Variants in SIPA1L1 observed in about 807,000 individuals in gnomAD.
SIPA1L1 encodes the protein signal-induced proliferation-associated 1-like protein 1.
SIPA1L1 carries 26 observed loss-of-function variants against 162.7 expected under a neutral mutation model. The observed-to-expected ratio is 0.16, with a 90% CI of 0.12 to 0.22. The LOEUF is 0.22. Among genes scored for constraint, SIPA1L1 ranks in the 10% least tolerant of loss-of-function variants. SIPA1L1 has a pLI of 1.00. For synonymous variants in SIPA1L1, 829 were observed against 837.4 expected, an observed-to-expected ratio of 0.99 and a Z score of 0.17; for missense variants, 1,874 against 2,241.0, an observed-to-expected ratio of 0.84 and a Z score of 3.31.
intron 13 of SIPA1L1, among the ~76,000 whole-genome samples, chr14:71,694,867 C>G (rs143768581): frequency 1.3e-5 from 2 of 152,326 alleles, no homozygotes; most frequent in Non-Finnish European, 2.9e-5. Context: ...CTTCACTGGA[C>G]TCAGCAGCTC....
rs58698210 is a variant in SIPA1L1, at chr14:71,668,064, C to CA, written c.2256-3042dup. Among the ~76,000 whole-genome samples the CA allele has an allele frequency of 8.8e-3, 1,185 of 134,328 alleles. 10 individuals are homozygous for CA. The highest frequency in any genetic ancestry group is 0.015 in the African/African-American group (551 of 36,544). The allele number at this position is 134,328 out of a possible 152,430, so 88.1% of individuals were successfully genotyped here. A position where few individuals can be genotyped will look rare whatever the true frequency, so the allele number is the denominator to read the frequency against. On this transcript the variant is annotated intron_variant, in intron 10 of 23. Transcript: ENST00000381232. ...TGGGCAACAGAGTGAGACTCCGTCT[C>CA]AAAAAAAAAAAAAGTCTTTGGAACA...
At chr14:71,342,427 A>AT (rs2035757189) in intron 2 of SIPA1L1, among the ~76,000 whole-genome samples, 2 of 152,224 alleles carry the variant, frequency 1.3e-5, no homozygotes, top group African/African-American at 4.8e-5. Context: ...GGCTGAACTA[A>AT]TATACATTCC....
chr14:71,452,001 A>G (rs2045863127), intron 2 of SIPA1L1, among the ~76,000 whole-genome samples: 1 of 152,230 alleles, frequency 6.6e-6, no homozygotes, highest in South Asian at 2.1e-4. Context: ...TATATAAAAT[A>G]TATAAATACC....
intron 5 of SIPA1L1, chr14:71,598,359 A>G (rs894745914): frequency 6.0e-6 from 2 of 331,346 alleles, no homozygotes; most frequent in African/African-American, 2.2e-5. Flanking sequence ...TTCGTAAACT[A>G]CAGGAGGAAA....
chr14:71,661,292 G>A lies in SIPA1L1; in HGVS notation c.2098-18G>A, dbSNP rs751888302. 1.2e-6 allele frequency: 2 copies of A among 1,610,118 alleles called. No homozygotes were observed. Among genetic ancestry groups the A allele is most frequent in the Admixed American group, 3.4e-5 (2 of 59,440 alleles). ...CAAATGATTGTTATTTATGTTGGTT[G>A]CTTATTTTTTCTTGTAGCTCCTGAG... On this transcript the variant is annotated intron_variant, in intron 9 of 23. Transcript: ENST00000381232.
At chr14:71,463,839 T>C (rs2046786516) in intron 2 of SIPA1L1, among the ~76,000 whole-genome samples, 1 of 152,214 alleles carries the variant, frequency 6.6e-6, no homozygotes, top group Admixed American at 6.5e-5. Context: ...CCATGATTAA[T>C]TAGCAAATGC....
At chr14:71,352,142 A>G (rs2036779493) in intron 2 of SIPA1L1, among the ~76,000 whole-genome samples, 1 of 152,048 alleles carries the variant, frequency 6.6e-6, no homozygotes, top group Non-Finnish European at 1.5e-5. Flanking sequence ...TGTAACAAAT[A>G]CAGAAAAGTG....
intron 4 of SIPA1L1, among the ~76,000 whole-genome samples, chr14:71,546,765 C>G (rs2055253334): frequency 6.6e-6 from 1 of 152,168 alleles, no homozygotes; most frequent in African/African-American, 2.4e-5. Flanking sequence ...AACATGGTCT[C>G]TGTCCTTAAA....
chr14:71,420,856 C>A (rs758058861), intron 2 of SIPA1L1, among the ~76,000 whole-genome samples: 2 of 152,196 alleles, frequency 1.3e-5, no homozygotes, highest in African/African-American at 4.8e-5. Flanking sequence ...AACAAACTTA[C>A]TATGTACTCT....
chr14:71,403,887 C>T lies in SIPA1L1; in HGVS notation c.-465+82706C>T, dbSNP rs527820867. Among the ~76,000 whole-genome samples the T allele has an allele frequency of 2.0e-5, 3 of 152,214 alleles. No homozygotes were observed. In the South Asian group the frequency reaches 6.2e-4, roughly 32 times the overall value. On this transcript the variant is annotated intron_variant, in intron 2 of 23. Transcript: ENST00000381232. The stretch of plus-strand genomic sequence containing the variant: ...TTCAGTATGATCACTGTATTTCCTC[C>T]TGTAGGCCACCTGGTGCCTTGCCTC...
intron 5 of SIPA1L1, among the ~76,000 whole-genome samples, chr14:71,603,090 A>G (rs377081735): frequency 1.9e-4 from 29 of 152,294 alleles, no homozygotes; most frequent in African/African-American, 6.5e-4. Context: ...GAGTTGATCT[A>G]TCTTATATAA....
At chr14:71,648,541 G>A (rs1234700868) in intron 7 of SIPA1L1, among the ~76,000 whole-genome samples, 2 of 152,180 alleles carry the variant, frequency 1.3e-5, no homozygotes, top group Non-Finnish European at 2.9e-5. Flanking sequence ...AGGGCTGGCT[G>A]TGTTTCAGAA....
At chr14:71,444,296 A>G (rs2045167711) in intron 2 of SIPA1L1, among the ~76,000 whole-genome samples, 1 of 152,228 alleles carries the variant, frequency 6.6e-6, no homozygotes, top group South Asian at 2.1e-4. Context: ...CTCTCTGTGA[A>G]CACAAAGAAT....
chr14:71,495,141 A>G (rs148805315), intron 2 of SIPA1L1, among the ~76,000 whole-genome samples: 210 of 152,306 alleles, frequency 1.4e-3, no homozygotes, highest in Non-Finnish European at 2.5e-3. Context: ...TGGTAATATA[A>G]AATGAGCTGG....
At position 71,589,377 on chromosome 14, in the gene SIPA1L1, A is replaced by G; in HGVS notation, c.1498+7A>G. 1 of 1,562,864 alleles carries G rather than the reference A, an allele frequency of 6.4e-7. No homozygotes were observed. The highest frequency in any genetic ancestry group is 8.8e-7 in the Non-Finnish European group (1 of 1,141,196). ...AAATTTTTCTACCAGAAGGGTAAGT[A>G]GAGATCCTTTATTTCTTACATTTTC... On this transcript the variant is annotated splice_region_variant and intron_variant, in intron 5 of 23. Transcript: ENST00000381232.
intron 2 of SIPA1L1, among the ~76,000 whole-genome samples, chr14:71,484,157 G>A (rs751611235): frequency 4.6e-5 from 7 of 152,148 alleles, no homozygotes; most frequent in Non-Finnish European, 7.3e-5. Context: ...GCTCTTTGAG[G>A]TCGTGAGTTC....
intron 7 of SIPA1L1, among the ~76,000 whole-genome samples, chr14:71,644,769 C>G (rs1292876588): frequency 5.9e-5 from 9 of 152,164 alleles, no homozygotes; most frequent in Non-Finnish European, 1.3e-4. Flanking sequence ...TCTATTATGT[C>G]AGGAAATACT....
chr14:71,450,657 A>G (rs1359235728), intron 2 of SIPA1L1, among the ~76,000 whole-genome samples: 2 of 152,216 alleles, frequency 1.3e-5, no homozygotes, highest in East Asian at 3.8e-4. Context: ...TACCTGTTAG[A>G]ACGGCTGTTA....
At chr14:71,737,635 CATGAGAAAAT>C (rs1021713340) in intron 22 of SIPA1L1, among the ~76,000 whole-genome samples, 14 of 152,266 alleles carry the variant, frequency 9.2e-5, no homozygotes, top group Middle Eastern at 3.4e-3. Flanking sequence ...CAAAAGAAAA[CATGAGAAAAT>C]GAGAAGAAAA....
Sources: allele counts gnomAD v4.1 joint callset (sites outside exome capture counted in the v4.1 genomes callset), GRCh38; gene constraint gnomAD v4.1.1; transcripts MANE v1.5; gene names NCBI Gene and HGNC (gene_info 2026-07-23, HGNC 2026-07-21).